Variants in FOCAD observed in about 807,000 individuals in gnomAD.
FOCAD encodes KIAA1797.
Under a neutral mutation model 225.6 loss-of-function variants are expected in FOCAD, and 198 were observed. That is an observed-to-expected ratio of 0.88 (90% confidence interval 0.78 to 0.99). FOCAD has a LOEUF of 0.99. Among genes scored for constraint, FOCAD ranks in the 50% least tolerant of loss-of-function variants. The probability of loss-of-function intolerance (pLI) is 0.00; values close to 1 mark genes in which losing one functional copy is unlikely to be tolerated. For missense variants in FOCAD, 2,713 were observed against 2,123.6 expected, an observed-to-expected ratio of 1.28 and a Z score of -5.46; for synonymous variants, 897 against 755.0, an observed-to-expected ratio of 1.19 and a Z score of -3.08.
chr9:20,840,960 C>G (rs1054620735), intron 15 of FOCAD, among the ~76,000 whole-genome samples: 1 of 151,882 alleles, frequency 6.6e-6, no homozygotes, highest in Non-Finnish European at 1.5e-5. Context: ...GTACTGAATA[C>G]TTTTCCAGCA....
intron 22 of FOCAD, among the ~76,000 whole-genome samples, chr9:20,911,183 G>A (rs1025073801): frequency 2.4e-4 from 37 of 152,196 alleles, no homozygotes; most frequent in African/African-American, 8.7e-4. Context: ...TAATTTCCAA[G>A]AAACAAAGGG....
intron 10 of FOCAD, among the ~76,000 whole-genome samples, chr9:20,788,095 A>G (rs1184083196): frequency 6.6e-6 from 1 of 152,236 alleles, no homozygotes; most frequent in Non-Finnish European, 1.5e-5. Context: ...TAGTGGATAA[A>G]CAATATAGTG....
chr9:20,803,329 C>G (rs927512847), intron 11 of FOCAD, among the ~76,000 whole-genome samples: 6 of 152,086 alleles, frequency 3.9e-5, no homozygotes, highest in Non-Finnish European at 8.8e-5. Context: ...CCATGTCTCT[C>G]TCTCCCCAGT....
At chr9:20,890,624 C>G (rs997470511) in intron 21 of FOCAD, among the ~76,000 whole-genome samples, 7 of 151,924 alleles carry the variant, frequency 4.6e-5, no homozygotes, top group Non-Finnish European at 5.9e-5. Flanking sequence ...ACATGTTGTT[C>G]TGTAGTTTTC....
At chr9:20,910,797 A>G (rs1215420631) in intron 22 of FOCAD, among the ~76,000 whole-genome samples, 3 of 152,078 alleles carry the variant, frequency 2.0e-5, no homozygotes, top group African/African-American at 4.8e-5. Context: ...AAATAGCCCA[A>G]CATAGATTGG....
At chr9:20,765,826 C>T (rs1469660158) in intron 7 of FOCAD, among the ~76,000 whole-genome samples, 1 of 152,096 alleles carries the variant, frequency 6.6e-6, no homozygotes, top group East Asian at 1.9e-4. Context: ...TTGCTATTTG[C>T]CTGGAATCGC....
At chr9:20,852,742 G>A (rs1827794878) in intron 15 of FOCAD, among the ~76,000 whole-genome samples, 1 of 151,840 alleles carries the variant, frequency 6.6e-6, no homozygotes, top group Admixed American at 6.6e-5. Context: ...ACAGTAAACT[G>A]TATTTCTCAG....
Position 20,916,922 on chromosome 9 carries a change from C to T in FOCAD, c.2837C>T (p.Thr946Ile), listed in dbSNP as rs760917139. 1.2e-6 allele frequency: 2 copies of T among 1,603,724 alleles called. No individual in the cohort carries two copies. The stretch of plus-strand genomic sequence containing the variant: ...AGAGACATGCTGACTGATGAGATCA[C>T]CAAGGCAGCTGCAAAGTAAGATCCA... ...WVRDMLTDEITKAAAKESPVV... is the reference protein window; with the variant it reads ...WVRDMLTDEIIKAAAKESPVV... The change falls in exon 24 of 44, where the codon ACC becomes ATC. Residue 946 changes from threonine (T) to isoleucine (I), a missense_variant. Thr to Ile is a moderately conservative substitution (Grantham distance 89). Coordinates refer to ENST00000338382, the MANE Select transcript of FOCAD (RefSeq NM_001375567.1).
At chr9:20,968,136 G>C (rs191852511) in intron 35 of FOCAD, among the ~76,000 whole-genome samples, 2 of 152,004 alleles carry the variant, frequency 1.3e-5, no homozygotes, top group South Asian at 2.1e-4. Flanking sequence ...CTCTTTACTT[G>C]TTATAGGTCT....
chr9:20,794,487 C>G (rs1168419668), intron 11 of FOCAD, among the ~76,000 whole-genome samples: 1 of 151,968 alleles, frequency 6.6e-6, no homozygotes, highest in Non-Finnish European at 1.5e-5. Context: ...AATAGGAATT[C>G]CAGGGTGAAA....
intron 4 of FOCAD, among the ~76,000 whole-genome samples, chr9:20,722,601 T>A (rs1270882185): frequency 6.6e-6 from 1 of 152,270 alleles, no homozygotes; most frequent in African/African-American, 2.4e-5. Context: ...GGTTTGATCA[T>A]GACTGAAAAC....
Position 20,717,823 on chromosome 9 carries a change from A to G in FOCAD, c.87A>G (p.Leu29=), listed in dbSNP as rs150854704. ...TGGGTCATCTTATTGCTGCAGTCCT[A>G]AAGGAAAATGGTTTTTCAGAAAAGA... ...QAVGHLIAAV[L]KENGFSEKIH... Residue 29 remains leucine, a synonymous_variant, in exon 3 of 44, where the codon CTA becomes CTG. Coordinates refer to ENST00000338382, the MANE Select transcript of FOCAD (RefSeq NM_001375567.1). 1.6e-5 allele frequency: 26 copies of G among 1,612,572 alleles called. No individual in the cohort carries two copies. The African/African-American group carries it at 3.3e-4, about 21-fold the overall frequency.
At chr9:20,936,307 C>T (rs1835958950) in intron 28 of FOCAD, among the ~76,000 whole-genome samples, 1 of 152,166 alleles carries the variant, frequency 6.6e-6, no homozygotes, top group African/African-American at 2.4e-5. Context: ...TTTACAGCTA[C>T]ATTCATACTT....
At chr9:20,791,125 T>A (rs573222250) in intron 11 of FOCAD, among the ~76,000 whole-genome samples, 2 of 152,222 alleles carry the variant, frequency 1.3e-5, no homozygotes, top group South Asian at 4.1e-4. Flanking sequence ...GGAGATTATC[T>A]AAAGAAGGAT....
At chr9:20,823,223 A>G (rs1270505269) in intron 15 of FOCAD, 108 bp downstream of exon 15, 2 of 1,229,378 alleles carry the variant, frequency 1.6e-6, no homozygotes, top group East Asian at 3.0e-5. Flanking sequence ...CTGAGTGTTC[A>G]TTCCCAGTGA....
At chr9:20,692,584 G>T (rs1823038992) in intron 1 of FOCAD, among the ~76,000 whole-genome samples, 1 of 152,188 alleles carries the variant, frequency 6.6e-6, no homozygotes, top group East Asian at 1.9e-4. Flanking sequence ...CAGCTCTTTT[G>T]CTGGTCTTGC....
At chr9:20,982,066 C>A (rs7039243) in intron 38 of FOCAD, among the ~76,000 whole-genome samples, 1 of 152,138 alleles carries the variant, frequency 6.6e-6, no homozygotes, top group African/African-American at 2.4e-5. Context: ...TTCCCTCCCC[C>A]AAAAGACCTC....
intron 23 of FOCAD, among the ~76,000 whole-genome samples, 187 bp downstream of exon 23, chr9:20,913,141 TACATACACACACACACAC>T (rs1833578932): frequency 1.0e-5 from 1 of 100,496 alleles, no homozygotes; most frequent in African/African-American, 4.0e-5. Flanking sequence ...TTATAAATTA[TACATACACACACACACAC>T]ACACACACAC....
Position 20,929,382 on chromosome 9 carries a change from G to A in FOCAD, c.3103G>A (p.Ala1035Thr), listed in dbSNP as rs1236416124. The change falls in exon 27 of 44, where the codon GCT becomes ACT. Residue 1035 changes from alanine (A) to threonine (T), a missense_variant. Transcript: ENST00000338382. ...YYKSYSGENT[A>T]SAIARSAAAT... ...GAAGTCCTATTCTGGTGAAAACACA[G>A]CTAGTGCCATTGCCCGTTCTGCTGC... 1.2e-6 allele frequency: 2 copies of A among 1,613,964 alleles called. No individual in the cohort carries two copies. The highest frequency in any genetic ancestry group is 2.7e-5 in the African/African-American group (2 of 74,902).
Sources: allele counts gnomAD v4.1 joint callset (sites outside exome capture counted in the v4.1 genomes callset), GRCh38; gene constraint gnomAD v4.1.1; transcripts MANE v1.5; gene names NCBI Gene and HGNC (gene_info 2026-07-23, HGNC 2026-07-21).